RTTN: variants seen among roughly 807,000 people sequenced by gnomAD.
RTTN encodes rotatin.
In RTTN, 182 loss-of-function variants were observed where a neutral mutation model predicts 269.2. The ratio of observed to expected loss-of-function variants is 0.68; its 90% CI spans 0.60 to 0.76. RTTN has a LOEUF of 0.76. Among genes scored for constraint, RTTN ranks in the 30% least tolerant of loss-of-function variants. The pLI, the probability that RTTN is intolerant of heterozygous loss-of-function variation, is 0.00. For missense variants in RTTN, 2,545 were observed against 2,608.6 expected, an observed-to-expected ratio of 0.98 and a Z score of 0.53; for synonymous variants, 1,006 against 963.5, an observed-to-expected ratio of 1.04 and a Z score of -0.82.
At chr18:70,048,862 AAAAAAT>A (rs1334116142) in intron 39 of RTTN, among the ~76,000 whole-genome samples, 8 of 151,606 alleles carry the variant, frequency 5.3e-5, no homozygotes, top group Admixed American at 2.0e-4. Flanking sequence ...AATTGATTTA[AAAAAAT>A]AAAAATAAAC....
intron 39 of RTTN, among the ~76,000 whole-genome samples, chr18:70,049,180 T>C (rs975087056): frequency 3.9e-5 from 6 of 152,214 alleles, no homozygotes; most frequent in African/African-American, 1.4e-4. Context: ...CCTCAACTTT[T>C]GTAGCATGAA....
At chr18:70,133,242 AT>A (rs1449500147) in intron 23 of RTTN, among the ~76,000 whole-genome samples, 1 of 152,180 alleles carries the variant, frequency 6.6e-6, no homozygotes, top group East Asian at 1.9e-4. Flanking sequence ...GAGTTTCATT[AT>A]TTAGCCAAAC....
At chr18:70,109,807 T>G in intron 27 of RTTN, 90 bp from the exon 28 acceptor site, 1 of 973,078 alleles carries the variant, frequency 1.0e-6, no homozygotes, top group South Asian at 1.5e-5. Flanking sequence ...TTACTTAAAC[T>G]CATAGTAATA....
Position 70,054,160 on chromosome 18 carries a change from A to G in RTTN, c.5156T>C (p.Ile1719Thr). Residue 1719 changes from isoleucine (I) to threonine (T), a missense_variant, in exon 38 of 49, where the codon ATT (isoleucine) becomes ACT (threonine). By Grantham distance (89) the Ile-to-Thr change is moderately conservative (BLOSUM62 -1). Transcript: ENST00000640769. ...TACATCTTTGGTACATATGGTGAGAATTCCAATGATATTGGTGATAAGAGG... is the reference window on the plus strand; with the variant it reads ...TACATCTTTGGTACATATGGTGAGAGTTCCAATGATATTGGTGATAAGAGG... ...VKPLITNIIG[I>T]LTICTKDVLD... The G allele has an allele frequency of 1.2e-6, 2 of 1,613,554 alleles. No individual in the cohort carries two copies. Among genetic ancestry groups the G allele is most frequent in the Non-Finnish European group, 8.5e-7 (1 of 1,179,504 alleles).
chr18:70,141,730 T>A (rs550663131), intron 19 of RTTN, among the ~76,000 whole-genome samples: 1 of 152,216 alleles, frequency 6.6e-6, no homozygotes, highest in East Asian at 1.9e-4. Flanking sequence ...GTATCAAACC[T>A]GCACATTGTG....
chr18:70,121,249 T>A lies in RTTN; in HGVS notation c.3528+307A>T, dbSNP rs531423463. On this transcript the variant is annotated intron_variant, in intron 26 of 48. Coordinates refer to ENST00000640769, the MANE Select transcript of RTTN (RefSeq NM_173630.4). ...AACTCTCAACATGCCTATCTGGACA[T>A]CCACCCTGTCCCCTGCCACCTGAAC... Among the ~76,000 whole-genome samples the A allele has an allele frequency of 5.9e-5, 9 of 152,202 alleles. No homozygotes were observed. The South Asian group carries it at 1.0e-3, about 18-fold the overall frequency.
chr18:70,024,338 A>C (rs2056791290), intron 44 of RTTN, among the ~76,000 whole-genome samples: 1 of 152,126 alleles, frequency 6.6e-6, no homozygotes, highest in Admixed American at 6.5e-5. Context: ...CACCAGACCA[A>C]CTGTTATGAG....
intron 32 of RTTN, among the ~76,000 whole-genome samples, chr18:70,083,657 G>T (rs971481249): frequency 6.6e-6 from 1 of 152,002 alleles, no homozygotes; most frequent in African/African-American, 2.4e-5. Flanking sequence ...TTCCTATCTT[G>T]TCCGAGAAAA....
At chr18:70,082,869 T>A (rs957847374) in intron 32 of RTTN, among the ~76,000 whole-genome samples, 3 of 151,728 alleles carry the variant, frequency 2.0e-5, no homozygotes, top group Admixed American at 6.6e-5. Context: ...TTTTTAAAAT[T>A]TTTTTTAGAG....
At chr18:70,028,599 C>A (rs777024570) in intron 43 of RTTN, 125 bp downstream of exon 43, 3 of 570,442 alleles carry the variant, frequency 5.3e-6, no homozygotes, top group South Asian at 2.5e-5. Context: ...AAGGACCAAT[C>A]AACTGTGTGT....
intron 18 of RTTN, among the ~76,000 whole-genome samples, chr18:70,143,921 G>A (rs138999950): frequency 1.3e-5 from 2 of 151,656 alleles, no homozygotes; most frequent in Admixed American, 6.6e-5. Flanking sequence ...GTAAAGTGGT[G>A]CAATCTCAGC....
intron 32 of RTTN, among the ~76,000 whole-genome samples, chr18:70,078,361 C>A (rs1294552978): frequency 6.6e-6 from 1 of 151,898 alleles, no homozygotes; most frequent in Non-Finnish European, 1.5e-5. Flanking sequence ...TGATATTTAT[C>A]TCTCATGCAC....
chr18:70,148,289 T>C (rs1258880753), intron 17 of RTTN, among the ~76,000 whole-genome samples: 1 of 152,128 alleles, frequency 6.6e-6, no homozygotes, highest in East Asian at 1.9e-4. Context: ...TAACCACTGT[T>C]ACCTAAAAAT....
At chr18:70,140,817 C>T (rs201744153) in intron 19 of RTTN, among the ~76,000 whole-genome samples, 2 of 152,126 alleles carry the variant, frequency 1.3e-5, no homozygotes, top group African/African-American at 2.4e-5. Context: ...CACGCACACA[C>T]AAATGTTACC....
At chr18:70,204,584 G>T (rs917373611) in intron 2 of RTTN, among the ~76,000 whole-genome samples, 1 of 152,006 alleles carries the variant, frequency 6.6e-6, no homozygotes, top group East Asian at 1.9e-4. Context: ...AGCCCCAACC[G>T]GTCAACAGGA....
intron 21 of RTTN, among the ~76,000 whole-genome samples, chr18:70,139,316 T>C (rs1237537835): frequency 6.6e-6 from 1 of 152,180 alleles, no homozygotes; most frequent in Non-Finnish European, 1.5e-5. Context: ...TCTCTCTTTA[T>C]AGATAATAGT....
At chr18:70,022,663 A>T (rs1391178922) in intron 44 of RTTN, among the ~76,000 whole-genome samples, 1 of 152,150 alleles carries the variant, frequency 6.6e-6, no homozygotes, top group Non-Finnish European at 1.5e-5. Flanking sequence ...AATTACCCTC[A>T]AGGTCCAAAA....
intron 5 of RTTN, 143 bp from the exon 6 acceptor site, chr18:70,197,881 T>C: frequency 1.6e-6 from 1 of 615,414 alleles, no homozygotes; most frequent in Non-Finnish European, 2.9e-6. Flanking sequence ...CCTAGATCTT[T>C]TCCCTAACCA....
At chr18:70,176,200 G>GATGTAGATGTATATGTATATGTAT (rs1231392813) in intron 11 of RTTN, among the ~76,000 whole-genome samples, 5 of 137,602 alleles carry the variant, frequency 3.6e-5, no homozygotes, top group African/African-American at 1.2e-4. Context: ...TGTAGATGTA[G>GATGTAGATGTATATGTATATGTAT]ATGTATATGT....
Sources: gnomAD v4.1 joint callset for allele counts (sites outside exome capture counted in the v4.1 genomes callset) on GRCh38, gnomAD v4.1.1 for gene constraint, MANE v1.5 for transcripts, NCBI Gene and HGNC (gene_info 2026-07-23, HGNC 2026-07-21) for gene names.